RYR2: variants seen among roughly 807,000 people sequenced by gnomAD.
RYR2 encodes the protein ryanodine receptor 2, also known as cardiac muscle ryanodine receptor-calcium release channel.
Under a neutral mutation model 601.1 loss-of-function variants are expected in RYR2, and 227 were observed. The ratio of observed to expected loss-of-function variants is 0.38; its 90% CI spans 0.34 to 0.42. RYR2 has a LOEUF of 0.42. Ranked by LOEUF, RYR2 falls within the 10% of genes least tolerant of loss-of-function variation. The pLI is 1.00. For synonymous variants in RYR2, 2,223 were observed against 2,175.1 expected (o/e 1.02, Z -0.61); for missense variants, 4,646 against 6,156.5 (o/e 0.75, Z 8.21).
At chr1:237,086,527 T>C (rs1380014340) in intron 1 of RYR2, among the ~76,000 whole-genome samples, 1 of 152,214 alleles carries the variant, frequency 6.6e-6, no homozygotes. Flanking sequence ...GGGTTCATCC[T>C]TCCCTTCTTC....
chr1:237,126,286 T>C (rs1425869563), intron 1 of RYR2, among the ~76,000 whole-genome samples: 1 of 151,522 alleles, frequency 6.6e-6, no homozygotes, highest in African/African-American at 2.4e-5. Flanking sequence ...GTGGTGGCCA[T>C]GGAGGTGTGC....
At chr1:237,636,896 A>C (rs967818759) in intron 44 of RYR2, among the ~76,000 whole-genome samples, 3 of 152,224 alleles carry the variant, frequency 2.0e-5, no homozygotes, top group African/African-American at 7.2e-5. Flanking sequence ...AGTGTGAATG[A>C]ATCCCAAAAT....
In RYR2 at chr1:237,727,307, G is replaced by A. The variant is rs866364257; in HGVS notation, c.10838+108G>A. 13 of 463,530 alleles carry A rather than the reference G, an allele frequency of 2.8e-5. No individual in the cohort carries two copies. In the Middle Eastern group the frequency reaches 2.6e-3, roughly 93 times the overall value. 28.7% of individuals were successfully genotyped at this position (463,530 alleles called of 1,614,324 possible). ...GGGTACAATAGTCCAAGAGAAGGAT[G>A]GAAAAGCTTTATTGATTCTTCTACA... On this transcript the variant is annotated intron_variant, in intron 76 of 104. Transcript: ENST00000366574.
intron 2 of RYR2, among the ~76,000 whole-genome samples, chr1:237,294,690 A>G (rs1035370639): frequency 1.3e-5 from 2 of 152,200 alleles, no homozygotes; most frequent in Non-Finnish European, 2.9e-5. Flanking sequence ...TTTTCAAAAT[A>G]TATAAATTAT....
At chr1:237,170,156 C>T (rs983549539) in intron 1 of RYR2, among the ~76,000 whole-genome samples, 1 of 152,080 alleles carries the variant, frequency 6.6e-6, no homozygotes, top group Non-Finnish European at 1.5e-5. Context: ...AGGAAGAGAG[C>T]AACATGGAAT....
At chr1:237,796,808 A>AGAGTC (rs1491141745) in intron 96 of RYR2, among the ~76,000 whole-genome samples, 18 of 150,160 alleles carry the variant, frequency 1.2e-4, no homozygotes, top group African/African-American at 4.3e-4. Flanking sequence ...TTTTTGAGAC[A>AGAGTC]GAGTCTCACT....
At chr1:237,485,461 A>T (rs987038274) in intron 17 of RYR2, among the ~76,000 whole-genome samples, 4 of 152,192 alleles carry the variant, frequency 2.6e-5, no homozygotes, top group Admixed American at 2.6e-4. Flanking sequence ...TAAAAATGTG[A>T]ATGTGCTTGT....
intron 100 of RYR2, among the ~76,000 whole-genome samples, chr1:237,817,263 A>C (rs189916954): frequency 2.2e-3 from 330 of 152,254 alleles, no homozygotes; most frequent in Non-Finnish European, 3.5e-3. Flanking sequence ...TCTCCTCTGC[A>C]TCTAACAGAT....
At chr1:237,682,337 G>A (rs868590838) in intron 62 of RYR2, among the ~76,000 whole-genome samples, 1 of 152,036 alleles carries the variant, frequency 6.6e-6, no homozygotes, top group Non-Finnish European at 1.5e-5. Context: ...ATGTCCCTTT[G>A]GGGCTCTAGA....
chr1:237,316,058 C>A (rs1016833226), intron 2 of RYR2, among the ~76,000 whole-genome samples: 4 of 151,846 alleles, frequency 2.6e-5, no homozygotes, highest in African/African-American at 7.3e-5. Flanking sequence ...GAGATGACAT[C>A]TAGGAAATTA....
chr1:237,787,917 T>A, intron 91 of RYR2, 71 bp from the exon 92 acceptor site: 2 of 1,416,424 alleles, frequency 1.4e-6, no homozygotes, highest in Non-Finnish European at 1.9e-6. Flanking sequence ...TTCACTTGGG[T>A]AATTTTCCAC....
chr1:237,081,721 C>T (rs1236363498), intron 1 of RYR2, among the ~76,000 whole-genome samples: 2 of 152,044 alleles, frequency 1.3e-5, no homozygotes, highest in Non-Finnish European at 1.5e-5. Context: ...TCAGGAACCT[C>T]GCCCTTCCCA....
At chr1:237,771,009 G>A in intron 85 of RYR2, 122 bp downstream of exon 85, 1 of 508,838 alleles carries the variant, frequency 2.0e-6, no homozygotes, top group Non-Finnish European at 3.5e-6. Context: ...TCATTCTAGA[G>A]CATGACTCTG....
At chr1:237,284,556 A>G (rs1691294445) in intron 2 of RYR2, among the ~76,000 whole-genome samples, 1 of 77,916 alleles carries the variant, frequency 1.3e-5, no homozygotes, top group Non-Finnish European at 2.3e-5. Flanking sequence ...GTGTATATAT[A>G]TATTCCACCA....
chr1:237,534,770 C>G (rs755664524), intron 25 of RYR2, among the ~76,000 whole-genome samples: 16 of 151,908 alleles, frequency 1.1e-4, no homozygotes, highest in Non-Finnish European at 2.4e-4. Context: ...CCTTTATACT[C>G]TTATAAATGG....
At chr1:237,249,541 A>C (rs1355239309) in intron 1 of RYR2, among the ~76,000 whole-genome samples, 10 of 152,198 alleles carry the variant, frequency 6.6e-5, no homozygotes, top group Non-Finnish European at 1.5e-4. Context: ...TTAAGGAGCA[A>C]GTGTAGATTT....
intron 1 of RYR2, among the ~76,000 whole-genome samples, chr1:237,085,506 T>C (rs998229177): frequency 5.3e-5 from 8 of 152,276 alleles, no homozygotes; most frequent in African/African-American, 1.7e-4. Context: ...AGGGAAGCAA[T>C]GAGAAAGATC....
chr1:237,767,965 T>C (rs1693969528), intron 84 of RYR2, among the ~76,000 whole-genome samples: 1 of 152,174 alleles, frequency 6.6e-6, no homozygotes, highest in Non-Finnish European at 1.5e-5. Flanking sequence ...ACCTTTTACC[T>C]GTGCATTATT....
chr1:237,397,519 G>A (rs1702963430), intron 10 of RYR2, among the ~76,000 whole-genome samples: 1 of 152,114 alleles, frequency 6.6e-6, no homozygotes, highest in African/African-American at 2.4e-5. Context: ...TCTTAAAGTG[G>A]CAGCTTACAG....
Sources: gnomAD v4.1 joint callset for allele counts (sites outside exome capture counted in the v4.1 genomes callset) on GRCh38, gnomAD v4.1.1 for gene constraint, MANE v1.5 for transcripts, NCBI Gene and HGNC (gene_info 2026-07-23, HGNC 2026-07-21) for gene names.